Variants in F2 observed in about 807,000 individuals in gnomAD.
The protein encoded by F2 is coagulation factor II, thrombin.
A neutral mutation model predicts 81.9 loss-of-function variants in F2; 34 were observed. The observed-to-expected ratio is 0.42, with a 90% CI of 0.32 to 0.55. F2 has a LOEUF of 0.55. Among genes scored for constraint, F2 ranks in the 20% least tolerant of loss-of-function variants. The pLI is 0.18. For synonymous variants in F2, 296 were observed against 326.4 expected, an observed-to-expected ratio of 0.91 and a Z score of 1.01; for missense variants, 630 against 833.4, an observed-to-expected ratio of 0.76 and a Z score of 3.00.
In F2 at chr11:46,723,638, C is replaced by A; in HGVS notation, c.559+120C>A. On this transcript the variant is annotated intron_variant, in intron 6 of 13. Coordinates refer to ENST00000311907, the MANE Select transcript of F2 (RefSeq NM_000506.5). The surrounding 1 kb of genome is among the most constrained non-coding windows in gnomAD (Gnocchi z 5.6). ...AGGCACAGTGGCTCATGCCCGTAAT[C>A]CCAGCACTTTGGGAGGCTGAGGCAG... 2 of 1,318,700 alleles carry A rather than the reference C, an allele frequency of 1.5e-6. No homozygotes were observed. The highest frequency in any genetic ancestry group is 2.1e-5 in the Admixed American group (1 of 46,670). The allele number at this position is 1,318,700 out of a possible 1,614,324, so 81.7% of individuals were successfully genotyped here.
intron 6 of F2, among the ~76,000 whole-genome samples, chr11:46,724,679 T>G (rs562619132): frequency 2.6e-5 from 4 of 152,200 alleles, no homozygotes; most frequent in East Asian, 3.9e-4. Flanking sequence ...GGGTAAAGAA[T>G]TTGTGCCGAT....
chr11:46,729,436 C>T lies in F2; in HGVS notation c.1529C>T (p.Thr510Met), dbSNP rs140404878. 16 of 1,614,012 alleles carry T rather than the reference C, an allele frequency of 9.9e-6. No homozygotes were observed. Among genetic ancestry groups the T allele is most frequent in the African/African-American group, 8.0e-5 (6 of 74,902 alleles). Residue 510 changes from threonine to methionine, a missense_variant, in exon 12 of 14, where the codon ACG (threonine) becomes ATG (methionine). Transcript: ENST00000311907. ...ACAGGCTGGGGCAACCTGAAGGAGA[C>T]GTGGACAGCCAACGTTGGTAAGGGG... ...RVTGWGNLKE[T>M]WTANVGKGQP...
intron 4 of F2, among the ~76,000 whole-genome samples, chr11:46,721,382 A>G (rs2134525447): frequency 6.6e-6 from 1 of 152,196 alleles, no homozygotes; most frequent in Non-Finnish European, 1.5e-5. Context: ...GCCTGACCCG[A>G]GTCTCTGCCC....
Position 46,727,989 on chromosome 11 carries a change from C to T in F2, c.1131-7C>T, listed in dbSNP as rs773835407. ...CAGCTCCTAATGCTTCCTGCTGCCCCTCCCAGGCAGGTGATGCTTTTCCGG... is the reference window on the plus strand; with the variant it reads ...CAGCTCCTAATGCTTCCTGCTGCCCTTCCCAGGCAGGTGATGCTTTTCCGG... On this transcript the variant is annotated splice_polypyrimidine_tract_variant and splice_region_variant and intron_variant, in intron 9 of 13. Transcript: ENST00000311907. The T allele has an allele frequency of 6.8e-6, 11 of 1,606,592 alleles. 1 individual carries two copies. The East Asian group carries it at 1.6e-4, about 23-fold the overall frequency.
intron 12 of F2, among the ~76,000 whole-genome samples, chr11:46,737,441 CTTTT>C (rs71042617): frequency 1.7e-4 from 16 of 94,218 alleles, no homozygotes; most frequent in Admixed American, 2.4e-4. Flanking sequence ...CGTGCCTGGC[CTTTT>C]TTTTTTTTTT....
Position 46,723,325 on chromosome 11 carries a change from A to G in F2, c.422+40A>G, listed in dbSNP as rs2064850089. On this transcript the variant is annotated intron_variant, in intron 5 of 13. Transcript: ENST00000311907. The surrounding 1 kb of genome is among the most constrained non-coding windows in gnomAD (Gnocchi z 5.6). ...GGCCTTCCCACCATGGGCTGAGAAC[A>G]GGGAGCAAGCGTACCTCAAGCCCAA... 1 of 1,613,586 alleles carries G rather than the reference A, an allele frequency of 6.2e-7. No individual in the cohort carries two copies. Among genetic ancestry groups the G allele is most frequent in the Non-Finnish European group, 8.5e-7 (1 of 1,179,524 alleles).
At chr11:46,733,486 A>G (rs1328471875) in intron 12 of F2, among the ~76,000 whole-genome samples, 1 of 152,170 alleles carries the variant, frequency 6.6e-6, no homozygotes, top group Non-Finnish European at 1.5e-5. Flanking sequence ...TACAGGTGTG[A>G]GCCACCATGC....
chr11:46,739,165 G>C, intron 13 of F2, 47 bp downstream of exon 13: 1 of 1,613,748 alleles, frequency 6.2e-7, no homozygotes, highest in Non-Finnish European at 8.5e-7. Context: ...TCTTCTGGGG[G>C]TGGGGAGAAA....
Position 46,739,400 on chromosome 11 carries a change from G to A in F2, c.1861G>A (p.Gly621Arg). Reference protein sequence around the residue: ...KWIQKVIDQFGE With the variant: ...KWIQKVIDQFRE ...GATACAGAAGGTCATTGATCAGTTT[G>A]GAGAGTAGGGGGCCACTCATATTCT... Residue 621 changes from glycine to arginine, a missense_variant, in exon 14 of 14, where the codon GGA (glycine) becomes AGA (arginine). Transcript: ENST00000311907. 6.2e-7 allele frequency: 1 copy of A among 1,614,130 alleles called. No homozygotes were observed. The highest frequency in any genetic ancestry group is 8.5e-7 in the Non-Finnish European group (1 of 1,180,026).
At position 46,726,449 on chromosome 11, in the gene F2, G is replaced by A. The variant is rs778244721; in HGVS notation, c.875-49G>A. On this transcript the variant is annotated intron_variant, in intron 7 of 13. Transcript: ENST00000311907. The surrounding 1 kb of genome is among the most constrained non-coding windows in gnomAD (Gnocchi z 5.9). ...GGGAATTGGGGGGATCTAGGGGATG[G>A]GTGAGGAATGGCCCAGCCCAGTCCC... 5 of 1,595,636 alleles carry A rather than the reference G, an allele frequency of 3.1e-6. No individual in the cohort carries two copies. Among genetic ancestry groups the A allele is most frequent in the African/African-American group, 1.3e-5 (1 of 74,702 alleles).
chr11:46,725,990 G>A lies in F2; in HGVS notation c.691G>A (p.Gly231Arg). The change falls in exon 7 of 14, where the codon GGG (glycine) becomes AGG (arginine). Residue 231 changes from glycine (G) to arginine (R), a missense_variant. Physicochemically the swap from Gly to Arg is moderately radical, Grantham distance 125 (BLOSUM62 -2). Coordinates refer to ENST00000311907, the MANE Select transcript of F2 (RefSeq NM_000506.5). Reference sequence around the variant, plus strand: ...GGGGCGCCTGGCGGTGACCACACATGGGCTCCCCTGCCTGGCCTGGGCCAG... The same window carrying A: ...GGGGCGCCTGGCGGTGACCACACATAGGCTCCCCTGCCTGGCCTGGGCCAG... ...YQGRLAVTTHGLPCLAWASAQ... is the reference protein window; with the variant it reads ...YQGRLAVTTHRLPCLAWASAQ... 1 of 1,613,954 alleles carries A rather than the reference G, an allele frequency of 6.2e-7. No homozygotes were observed. The highest frequency in any genetic ancestry group is 8.5e-7 in the Non-Finnish European group (1 of 1,179,980).
chr11:46,737,358 G>A (rs3136530), intron 12 of F2, among the ~76,000 whole-genome samples: 1,768 of 151,296 alleles, frequency 0.012, 21 homozygotes, highest in Middle Eastern at 0.021. Context: ...TAGCCAGGCT[G>A]GTCTCGAACT....
intron 12 of F2, among the ~76,000 whole-genome samples, chr11:46,737,363 C>T (rs537798193): frequency 1.7e-4 from 26 of 150,720 alleles, no homozygotes; most frequent in East Asian, 5.9e-4. Flanking sequence ...AGGCTGGTCT[C>T]GAACTCCTGA....
chr11:46,739,439 C>G lies in F2; in HGVS notation c.*31C>G, dbSNP rs774039615. On this transcript the variant is annotated 3_prime_UTR_variant, in exon 14 of 14. Coordinates refer to ENST00000311907, the MANE Select transcript of F2 (RefSeq NM_000506.5). ...CACTCATATTCTGGGCTCCTGGAAC[C>G]AATCCCGTGAAAGAATTATTTTTGT... 6 of 1,613,482 alleles carry G rather than the reference C, an allele frequency of 3.7e-6. No homozygotes were observed. The highest frequency in any genetic ancestry group is 1.7e-5 in the Admixed American group (1 of 60,016).
chr11:46,725,099 T>C, intron 6 of F2, among the ~76,000 whole-genome samples: 1 of 102,954 alleles, frequency 9.7e-6, no homozygotes, highest in African/African-American at 3.8e-5. Context: ...AGATGGAGTC[T>C]CACTCTGTCA....
chr11:46,729,792 A>C (rs2064899331), intron 12 of F2, among the ~76,000 whole-genome samples: 1 of 152,170 alleles, frequency 6.6e-6, no homozygotes, highest in South Asian at 2.1e-4. Flanking sequence ...CAGTGAGCTC[A>C]GATAGCAGCA....
chr11:46,725,468 G>T (rs898341947), intron 6 of F2, among the ~76,000 whole-genome samples: 30 of 152,050 alleles, frequency 2.0e-4, no homozygotes, highest in African/African-American at 6.8e-4. Context: ...TAAATAAGTT[G>T]CAGGCTTGCA....
Position 46,723,156 on chromosome 11 carries a change from C to T in F2, c.317-24C>T. The T allele has an allele frequency of 6.2e-7, 1 of 1,606,012 alleles. No homozygotes were observed. Among genetic ancestry groups the T allele is most frequent in the Non-Finnish European group, 8.5e-7 (1 of 1,172,878 alleles). ...GGAAATAAGTCCCCAGGCTCCAAGG[C>T]TGACCGGGGTGGGGTCTCCGCAGGT... is the stretch of plus-strand genomic sequence containing the variant. On this transcript the variant is annotated intron_variant, in intron 4 of 13. Transcript: ENST00000311907. The surrounding 1 kb of genome is among the most constrained non-coding windows in gnomAD (Gnocchi z 5.6).
Position 46,719,589 on chromosome 11 carries a change from A to G in F2, c.80-113A>G. ...CTTCCAGGCACTTCCACCAGCCCAG[A>G]CAGCCTCTCTCAGAAGCCAGCAGGG... On this transcript the variant is annotated intron_variant, in intron 1 of 13. Coordinates refer to ENST00000311907, the MANE Select transcript of F2 (RefSeq NM_000506.5). The surrounding 1 kb of genome is among the most constrained non-coding windows in gnomAD (Gnocchi z 4.7). 7.2e-7 allele frequency: 1 copy of G among 1,398,212 alleles called. No homozygotes were observed. The highest frequency in any genetic ancestry group is 9.8e-7 in the Non-Finnish European group (1 of 1,021,072). 86.6% of individuals were successfully genotyped at this position (1,398,212 alleles called of 1,614,324 possible).
Sources: gnomAD v4.1 joint callset for allele counts (sites outside exome capture counted in the v4.1 genomes callset) on GRCh38, gnomAD v4.1.1 for gene constraint, Gnocchi (gnomAD v3.1) non-coding constraint, MANE v1.5 for transcripts, NCBI Gene and HGNC (gene_info 2026-07-23, HGNC 2026-07-21) for gene names.